The following DOCK9 variants were observed in gnomAD, a reference collection of about 807,000 sequenced individuals.
DOCK9 encodes dedicator of cytokinesis protein 9.
Under a neutral mutation model 263.3 loss-of-function variants are expected in DOCK9, and 89 were observed. That is an observed-to-expected ratio of 0.34 (90% CI 0.28 to 0.40). The LOEUF is 0.40. DOCK9 is among the 10% of genes least tolerant of loss of function. The pLI is 1.00. For missense variants in DOCK9, 2,140 were observed against 2,603.4 expected, an observed-to-expected ratio of 0.82 and a Z score of 3.87; for synonymous variants, 976 against 973.1, an observed-to-expected ratio of 1.00 and a Z score of -0.06.
At position 98,904,635 on chromosome 13, in the gene DOCK9, G is replaced by A; in HGVS notation, c.1032C>T (p.Ala344=). 6.4e-7 allele frequency: 1 copy of A among 1,553,880 alleles called. No homozygotes were observed. The highest frequency in any genetic ancestry group is 2.4e-5 in the East Asian group (1 of 41,810). The change falls in exon 10 of 53, where the codon GCC becomes GCT. Residue 344 remains alanine (A), a synonymous_variant. Coordinates refer to ENST00000682017, the MANE Select transcript of DOCK9 (RefSeq NM_001366683.2). Reference sequence around the variant, plus strand: ...TAAACATTTAGATAGTTCTTACCTGGGCATCTGGGTCCAAATAAAAAAGTT... The same window carrying A: ...TAAACATTTAGATAGTTCTTACCTGAGCATCTGGGTCCAAATAAAAAAGTT... ...RVKLFYLDPD[A]QKLDFSSAEP...
rs2053683682 is a variant in DOCK9 at position 98,930,192 on chromosome 13, T to C, written c.309A>G (p.Glu103=). Residue 103 remains glutamate, a synonymous_variant, in exon 3 of 53, where the codon GAA becomes GAG. Transcript: ENST00000682017. ...CSTVPAKAEE[E]AQSLFVTECI... ...CCTCTGTAACAAACAAGCTCTGTGC[T>C]TCCTCTTCCGCCTTCGCAGGCACTG... 1 of 1,611,510 alleles carries C rather than the reference T, an allele frequency of 6.2e-7. No homozygotes were observed. The highest frequency in any genetic ancestry group is 1.3e-5 in the African/African-American group (1 of 74,924).
At chr13:98,956,134 G>T (rs1736623197) in intron 1 of DOCK9, among the ~76,000 whole-genome samples, 1 of 152,224 alleles carries the variant, frequency 6.6e-6, no homozygotes, top group Non-Finnish European at 1.5e-5. Context: ...CACAGCCAGG[G>T]GGGCAGGTAC....
Position 98,921,107 on chromosome 13 carries a change from C to G in DOCK9, c.583-19G>C. On this transcript the variant is annotated intron_variant, in intron 6 of 52. Coordinates refer to ENST00000682017, the MANE Select transcript of DOCK9 (RefSeq NM_001366683.2). ...TAAATGACTGAGAGAAAAATATACA[C>G]ACAGCTATTCTTTCAAAATGAAGAG... 6.3e-7 allele frequency: 1 copy of G among 1,583,546 alleles called. No homozygotes were observed. The highest frequency in any genetic ancestry group is 8.6e-7 in the Non-Finnish European group (1 of 1,165,352).
intron 1 of DOCK9, among the ~76,000 whole-genome samples, chr13:98,989,550 C>T (rs1363578963): frequency 6.6e-6 from 1 of 151,954 alleles, no homozygotes; most frequent in Non-Finnish European, 1.5e-5. Flanking sequence ...AGGAAGAACA[C>T]CCACAATGTT....
chr13:98,835,879 A>G (rs1175909205), intron 39 of DOCK9, among the ~76,000 whole-genome samples: 4 of 151,822 alleles, frequency 2.6e-5, no homozygotes, highest in Non-Finnish European at 4.4e-5. Context: ...CTGGGACTAC[A>G]AGCGCACGCC....
At chr13:98,923,484 C>T (rs2140126112) in intron 4 of DOCK9, 113 bp from the exon 5 acceptor site, 1 of 830,814 alleles carries the variant, frequency 1.2e-6, no homozygotes, top group Non-Finnish European at 2.0e-6. Flanking sequence ...GATGGCCCAG[C>T]TTCTTTATTC....
At chr13:98,840,065 T>G (rs1266821628) in intron 38 of DOCK9, among the ~76,000 whole-genome samples, 1 of 152,350 alleles carries the variant, frequency 6.6e-6, no homozygotes, top group East Asian at 1.9e-4. Flanking sequence ...ATAGAGAGGC[T>G]GAACCAGTCA....
At chr13:98,801,689 G>C (rs540868423) in intron 49 of DOCK9, among the ~76,000 whole-genome samples, 27 of 152,188 alleles carry the variant, frequency 1.8e-4, no homozygotes, top group African/African-American at 6.3e-4. Context: ...GTACTTAAAA[G>C]CTTATTATTT....
rs939157846 is a variant in DOCK9 at position 99,023,454 on chromosome 13, T to A, written c.129+62769A>T. Among the ~76,000 whole-genome samples, 3 of 152,200 alleles carry A rather than the reference T, an allele frequency of 2.0e-5. No individual in the cohort carries two copies. The South Asian group carries it at 6.2e-4, about 32-fold the overall frequency. ...AAATTCATAGAAACAGAAAGTAGCATGGTAGTTGCCAGGTGCTGGGAGAAG... is the reference window on the plus strand; with the variant it reads ...AAATTCATAGAAACAGAAAGTAGCAAGGTAGTTGCCAGGTGCTGGGAGAAG... On this transcript the variant is annotated intron_variant, in intron 1 of 32. Coordinates refer to the DOCK9 transcript ENST00000427887.
chr13:99,059,246 G>A (rs2041071957), intron 1 of DOCK9, among the ~76,000 whole-genome samples: 2 of 152,188 alleles, frequency 1.3e-5, no homozygotes, highest in South Asian at 4.1e-4. Context: ...GGGTTCCTGA[G>A]CTCTGTATCA....
intron 1 of DOCK9, among the ~76,000 whole-genome samples, chr13:99,044,306 C>T (rs970799278): frequency 6.6e-6 from 1 of 152,220 alleles, no homozygotes; most frequent in Non-Finnish European, 1.5e-5. Flanking sequence ...AAGAACACTG[C>T]AGGCAGTGGG....
At chr13:98,862,202 A>G (rs564589334) in intron 32 of DOCK9, among the ~76,000 whole-genome samples, 20 of 152,346 alleles carry the variant, frequency 1.3e-4, no homozygotes, top group African/African-American at 4.6e-4. Context: ...GCAACTTACC[A>G]GGAGTTGCAC....
At chr13:98,917,135 A>C (rs1018320861) in intron 7 of DOCK9, among the ~76,000 whole-genome samples, 2 of 152,220 alleles carry the variant, frequency 1.3e-5, no homozygotes, top group African/African-American at 4.8e-5. Context: ...AGAACCTTAG[A>C]TTTTGAAATG....
At chr13:98,805,632 T>C (rs1953404789) in intron 48 of DOCK9, among the ~76,000 whole-genome samples, 1 of 152,244 alleles carries the variant, frequency 6.6e-6, no homozygotes, top group South Asian at 2.1e-4. Flanking sequence ...GTCTCCAGAA[T>C]GTTAGTTATA....
chr13:98,916,822 C>A (rs1193425859), intron 7 of DOCK9, among the ~76,000 whole-genome samples: 2 of 152,084 alleles, frequency 1.3e-5, no homozygotes, highest in Non-Finnish European at 2.9e-5. Context: ...GTTTCTGAGC[C>A]TCAGTTTTCT....
At chr13:98,836,396 G>C (rs1017553292) in intron 39 of DOCK9, among the ~76,000 whole-genome samples, 2 of 152,242 alleles carry the variant, frequency 1.3e-5, no homozygotes, top group Non-Finnish European at 1.5e-5. Flanking sequence ...GAGAGGCTCC[G>C]AAGCTTCTTT....
chr13:99,085,378 T>C (rs1187584246), intron 1 of DOCK9, among the ~76,000 whole-genome samples: 2 of 152,268 alleles, frequency 1.3e-5, no homozygotes, highest in African/African-American at 2.4e-5. Flanking sequence ...AGCTCGCTCC[T>C]GCTCAAACGT....
chr13:99,021,733 A>C (rs1048101420), intron 1 of DOCK9, among the ~76,000 whole-genome samples: 2 of 152,084 alleles, frequency 1.3e-5, no homozygotes, highest in East Asian at 3.9e-4. Flanking sequence ...GCTTTCAGCA[A>C]TGACCATTAG....
chr13:98,972,374 C>T (rs1012691225), intron 1 of DOCK9, among the ~76,000 whole-genome samples: 2 of 151,890 alleles, frequency 1.3e-5, no homozygotes, highest in East Asian at 1.9e-4. Flanking sequence ...AAATAAATGC[C>T]GGAGCTGGGT....
Sources: allele counts gnomAD v4.1 joint callset (sites outside exome capture counted in the v4.1 genomes callset), GRCh38; gene constraint gnomAD v4.1.1; transcripts MANE v1.5; gene names NCBI Gene and HGNC (gene_info 2026-07-23, HGNC 2026-07-21).